Variants in ERCC4 observed in about 807,000 individuals in gnomAD.
ERCC4 encodes DNA repair endonuclease XPF.
Under a neutral mutation model 76.9 loss-of-function variants are expected in ERCC4, and 65 were observed. That is an observed-to-expected ratio of 0.84 (90% CI 0.69 to 1.04). ERCC4 has a LOEUF of 1.04. Among genes scored for constraint, ERCC4 ranks in the 50% least tolerant of loss-of-function variants. The probability of loss-of-function intolerance (pLI) is 0.00; values close to 1 mark genes in which losing one functional copy is unlikely to be tolerated. For missense variants in ERCC4, 1,214 were observed against 1,128.2 expected, an observed-to-expected ratio of 1.08 and a Z score of -1.09; for synonymous variants, 463 against 410.1, an observed-to-expected ratio of 1.13 and a Z score of -1.56.
intron 9 of ERCC4, among the ~76,000 whole-genome samples, chr16:13,941,524 G>T (rs2141614139): frequency 6.6e-6 from 1 of 152,332 alleles, no homozygotes; most frequent in South Asian, 2.1e-4. Flanking sequence ...GGGTGATGTT[G>T]TAAGAACAAA....
rs1335671640 is a variant in ERCC4, at chr16:13,952,287, G to A, written c.*3940G>A. On this transcript the variant is annotated 3_prime_UTR_variant, in exon 11 of 11. Coordinates refer to ENST00000311895, the MANE Select transcript of ERCC4 (RefSeq NM_005236.3). ...AGTAATAATTCAAAATCCTGAAAAT[G>A]TTTCATTTTTTTTGTTTTTGTTATG... 1 of 177,062 alleles carries A rather than the reference G, an allele frequency of 5.6e-6. No homozygotes were observed. Among genetic ancestry groups the A allele is most frequent in the African/African-American group, 2.4e-5 (1 of 41,380 alleles). The allele number at this position is 177,062 out of a possible 1,614,324, so 11.0% of individuals were successfully genotyped here. A position where few individuals can be genotyped will look rare whatever the true frequency, so the allele number is the denominator to read the frequency against.
intron 6 of ERCC4, chr16:13,933,736 T>C (rs2032228148): frequency 6.5e-6 from 1 of 152,842 alleles, no homozygotes; most frequent in Non-Finnish European, 1.5e-5. Flanking sequence ...TAAAGAAAAC[T>C]TAATTGAATA....
At chr16:13,937,002 C>T (rs2032311992) in intron 8 of ERCC4, among the ~76,000 whole-genome samples, 1 of 151,390 alleles carries the variant, frequency 6.6e-6, no homozygotes, top group African/African-American at 2.4e-5. Flanking sequence ...GCCTCAACAC[C>T]TCCCCCTTTC....
At chr16:13,934,147 G>A (rs754903080) in intron 6 of ERCC4, 45 bp from the exon 7 acceptor site, 3 of 1,287,706 alleles carry the variant, frequency 2.3e-6, no homozygotes, top group Admixed American at 1.7e-5. Flanking sequence ...AGACTTTATG[G>A]GTAAATATTA....
chr16:13,921,992 G>A (rs200805983), intron 1 of ERCC4, 39 bp from the exon 2 acceptor site: 2 of 1,456,746 alleles, frequency 1.4e-6, no homozygotes, highest in Non-Finnish European at 1.9e-6. Context: ...AAACTGCCCT[G>A]TATTAAATAG....
chr16:13,932,312 T>C, intron 6 of ERCC4, 27 bp downstream of exon 6: 1 of 1,598,200 alleles, frequency 6.3e-7, no homozygotes. Flanking sequence ...AGTCTTTAAA[T>C]GTGTTTTTTA....
intron 6 of ERCC4, chr16:13,932,564 C>T: frequency 1.9e-6 from 1 of 537,006 alleles, no homozygotes; most frequent in Admixed American, 3.6e-5. Context: ...AAGTATGCTA[C>T]ATGAGGAGCT....
chr16:13,932,936 C>T (rs543373213), intron 6 of ERCC4: 2 of 239,996 alleles, frequency 8.3e-6, no homozygotes, highest in South Asian at 7.7e-5. Context: ...ATCCCAGCTA[C>T]TCAGGAGGCT....
rs2031949808 is a variant in ERCC4 at position 13,920,430 on chromosome 16, G to A, written c.207+58G>A. 3.5e-6 allele frequency: 5 copies of A among 1,428,032 alleles called. 1 individual carries two copies. In the South Asian group the frequency reaches 6.1e-5, roughly 17 times the overall value. The allele number at this position is 1,428,032 out of a possible 1,614,324, so 88.5% of individuals were successfully genotyped here. A position where few individuals can be genotyped will look rare whatever the true frequency, so the allele number is the denominator to read the frequency against. The stretch of plus-strand genomic sequence containing the variant: ...TCCGAGAGTGTTGAGGGCCTCCTGA[G>A]CGGATGCGAGGCCTCTGACAGGGAT... On this transcript the variant is annotated intron_variant, in intron 1 of 10. Transcript: ENST00000311895.
At chr16:13,940,256 G>A (rs1024426973) in intron 9 of ERCC4, among the ~76,000 whole-genome samples, 2 of 152,024 alleles carry the variant, frequency 1.3e-5, no homozygotes, top group South Asian at 2.1e-4. Context: ...GAGTGGTGGC[G>A]CATGCCTGTA....
intron 1 of ERCC4, 81 bp downstream of exon 1, chr16:13,920,453 G>C: frequency 8.0e-7 from 1 of 1,255,806 alleles, no homozygotes; most frequent in South Asian, 1.3e-5. Context: ...CTCTGACAGG[G>C]ATGGAGGGGC....
chr16:13,945,165 G>A lies in ERCC4; in HGVS notation c.2017+330G>A, dbSNP rs143332884. On this transcript the variant is annotated intron_variant, in intron 10 of 10. Transcript: ENST00000311895. Reference sequence around the variant, plus strand: ...CTTTTGCAAATAAACTTTGTTAAACGGTGATTAGGTTCTTATCTCAACCTA... The same window carrying A: ...CTTTTGCAAATAAACTTTGTTAAACAGTGATTAGGTTCTTATCTCAACCTA... Among the ~76,000 whole-genome samples the A allele has an allele frequency of 8.9e-4, 135 of 152,254 alleles. 1 individual carries two copies. Among genetic ancestry groups the A allele is most frequent in the Non-Finnish European group, 3.4e-4 (23 of 67,998 alleles).
rs751348446 is a variant in ERCC4 at position 13,934,296 on chromosome 16, G to C, written c.1207G>C (p.Gly403Arg). ...AAATAAGGAGAGTGAAGCTCTTGGTGGTCCAGGTAGGAAAAAAGGAGATGA... is the reference window on the plus strand; with the variant it reads ...AAATAAGGAGAGTGAAGCTCTTGGTCGTCCAGGTAGGAAAAAAGGAGATGA... ...AENKESEALG[G>R]PGQVLICASD... is the part of the protein sequence containing the mutation. Residue 403 changes from glycine to arginine, a missense_variant, in exon 7 of 11, where the codon GGT (glycine) becomes CGT (arginine). Gly to Arg is a moderately radical substitution (Grantham distance 125, BLOSUM62 -2). Coordinates refer to ENST00000311895, the MANE Select transcript of ERCC4 (RefSeq NM_005236.3). 3.7e-6 allele frequency: 6 copies of C among 1,601,198 alleles called. No homozygotes were observed. Among genetic ancestry groups the C allele is most frequent in the South Asian group, 2.2e-5 (2 of 90,808 alleles).
intron 6 of ERCC4, chr16:13,933,801 G>A (rs779256637): frequency 6.1e-6 from 1 of 162,750 alleles, no homozygotes; most frequent in African/African-American, 2.4e-5. Context: ...TTTAATTGTT[G>A]TCTACTTTTA....
At chr16:13,935,125 A>C in intron 7 of ERCC4, 21 bp from the exon 8 acceptor site, 1 of 1,559,434 alleles carries the variant, frequency 6.4e-7, no homozygotes, top group Non-Finnish European at 8.8e-7. Flanking sequence ...ATAGTAACAT[A>C]ATGTTGTTTT....
At chr16:13,925,510 G>C (rs1361190419) in intron 2 of ERCC4, among the ~76,000 whole-genome samples, 1 of 152,068 alleles carries the variant, frequency 6.6e-6, no homozygotes, top group Non-Finnish European at 1.5e-5. Context: ...ATAATTTGCT[G>C]AGCTAGAGTA....
intron 9 of ERCC4, among the ~76,000 whole-genome samples, chr16:13,942,191 G>T (rs748600916): frequency 2.0e-4 from 30 of 152,234 alleles, no homozygotes; most frequent in Non-Finnish European, 4.4e-4. Flanking sequence ...TCACATAGGG[G>T]AACTTGGATA....
chr16:13,939,220 C>T (rs544770299), intron 9 of ERCC4, among the ~76,000 whole-genome samples: 5 of 152,316 alleles, frequency 3.3e-5, no homozygotes, highest in African/African-American at 1.2e-4. Context: ...GCTAGACCTT[C>T]ACGCCACAAG....
In ERCC4 at chr16:13,924,304, A is replaced by G. The variant is rs3136074; in HGVS notation, c.388+2093A>G. Among the ~76,000 whole-genome samples the G allele has an allele frequency of 1.9e-3, 290 of 152,298 alleles. 1 individual carries two copies. The highest frequency in any genetic ancestry group is 6.4e-3 in the African/African-American group (267 of 41,552). ...ACCAGAACTCCTAACACGTGGGAGA[A>G]CTATATAAATATCTGGTGAGGTTGT... On this transcript the variant is annotated intron_variant, in intron 2 of 10. Transcript: ENST00000311895.
Sources: gnomAD v4.1 joint callset for allele counts (sites outside exome capture counted in the v4.1 genomes callset) on GRCh38, gnomAD v4.1.1 for gene constraint, MANE v1.5 for transcripts, NCBI Gene and HGNC (gene_info 2026-07-23, HGNC 2026-07-21) for gene names.